Variants in MEGF10 observed in about 807,000 individuals in gnomAD.
MEGF10 encodes multiple epidermal growth factor-like domains protein 10.
In MEGF10, 86 loss-of-function variants were observed where a neutral mutation model predicts 147.5. The observed-to-expected ratio is 0.58, with a 90% CI of 0.49 to 0.70. The LOEUF (loss-of-function observed/expected upper bound fraction) is 0.70. MEGF10 is among the 30% of genes least tolerant of loss of function. MEGF10 has a pLI of 0.00. For synonymous variants in MEGF10, 478 were observed against 525.5 expected (o/e 0.91, Z 1.24); for missense variants, 1,329 against 1,487.3 (o/e 0.89, Z 1.75).
intron 1 of MEGF10, among the ~76,000 whole-genome samples, chr5:127,296,072 A>G (rs1287578177): frequency 6.6e-6 from 1 of 152,174 alleles, no homozygotes; most frequent in Admixed American, 6.5e-5. Flanking sequence ...ATTATTGTTC[A>G]CCATGATCAT....
the MEGF10 span, among the ~76,000 whole-genome samples, chr5:127,254,424 G>C: frequency 6.6e-6 from 1 of 152,024 alleles, no homozygotes; most frequent in Non-Finnish European, 1.5e-5. Flanking sequence ...TCTAAAAAAT[G>C]CAAAAGCTTT....
At chr5:127,445,235 G>A in intron 19 of MEGF10, 1 of 551,418 alleles carries the variant, frequency 1.8e-6, no homozygotes, top group Non-Finnish European at 3.2e-6. Context: ...CCCAGCTTCT[G>A]TCTCTTTTTG....
At chr5:127,448,790 CTT>C (rs199921206) in intron 21 of MEGF10, among the ~76,000 whole-genome samples, 70 of 131,184 alleles carry the variant, frequency 5.3e-4, no homozygotes, top group African/African-American at 1.6e-3. Context: ...ACCAAGAGTT[CTT>C]TTTTTTTTTT....
chr5:127,359,060 T>G (rs1308549463), intron 4 of MEGF10, among the ~76,000 whole-genome samples: 1 of 150,480 alleles, frequency 6.6e-6, no homozygotes, highest in Non-Finnish European at 1.5e-5. Flanking sequence ...GCTGTTTTGT[T>G]TTTTTTTTTT....
At chr5:127,244,195 C>CAA in the MEGF10 span, among the ~76,000 whole-genome samples, 24,244 of 69,606 alleles carry the variant, frequency 0.35, 2,614 homozygotes, top group Admixed American at 0.43. Flanking sequence ...AAACTCTGTC[C>CAA]AAAAAAAAAA....
intron 5 of MEGF10, among the ~76,000 whole-genome samples, chr5:127,380,902 G>A (rs915119876): frequency 3.9e-5 from 6 of 152,178 alleles, no homozygotes; most frequent in African/African-American, 1.4e-4. Context: ...CAGGCAAGAT[G>A]TACTGGGTGT....
chr5:127,230,946 C>T, the MEGF10 span, among the ~76,000 whole-genome samples: 1 of 152,156 alleles, frequency 6.6e-6, no homozygotes, highest in South Asian at 2.1e-4. Context: ...CAGAGTTGGG[C>T]AAGGCAGGCT....
At chr5:127,351,387 A>G (rs1209649112) in intron 4 of MEGF10, among the ~76,000 whole-genome samples, 2 of 152,136 alleles carry the variant, frequency 1.3e-5, no homozygotes, top group African/African-American at 4.8e-5. Flanking sequence ...TTTGTATTAT[A>G]TTGTAGACAT....
At chr5:127,375,046 A>T (rs1330937345) in intron 5 of MEGF10, among the ~76,000 whole-genome samples, 1 of 152,196 alleles carries the variant, frequency 6.6e-6, no homozygotes, top group African/African-American at 2.4e-5. Flanking sequence ...ATTAAGAGGT[A>T]TTCCACAGAA....
intron 5 of MEGF10, among the ~76,000 whole-genome samples, chr5:127,384,528 A>G (rs1763363787): frequency 6.6e-6 from 1 of 152,240 alleles, no homozygotes; most frequent in African/African-American, 2.4e-5. Context: ...AGACACATCA[A>G]CATTTGCACT....
chr5:127,238,907 C>T, the MEGF10 span, among the ~76,000 whole-genome samples: 3 of 151,130 alleles, frequency 2.0e-5, no homozygotes, highest in African/African-American at 7.4e-5. Flanking sequence ...AGGATATGAA[C>T]TCAATAGGTT....
the MEGF10 span, among the ~76,000 whole-genome samples, chr5:127,245,533 A>G: frequency 6.6e-6 from 1 of 152,226 alleles, no homozygotes; most frequent in Non-Finnish European, 1.5e-5. Context: ...AATACCATTC[A>G]GGACATAGGC....
intron 4 of MEGF10, among the ~76,000 whole-genome samples, chr5:127,353,887 G>C (rs1015569293): frequency 3.9e-5 from 6 of 152,216 alleles, no homozygotes; most frequent in African/African-American, 1.4e-4. Context: ...TGCCTGGCAG[G>C]CCAGCTCTGA....
At chr5:127,285,395 T>C in the MEGF10 span, among the ~76,000 whole-genome samples, 75,485 of 151,914 alleles carry the variant, frequency 0.5, 18,931 homozygotes, top group Middle Eastern at 0.63. Flanking sequence ...TATTTTAAGA[T>C]GTCAAGATTA....
At chr5:127,229,830 C>G in the MEGF10 span, 1 of 152,216 alleles carries the variant, frequency 6.6e-6, no homozygotes, top group Non-Finnish European at 1.5e-5. Context: ...GCACCCCCCT[C>G]TGGGGGCCGA....
At chr5:127,352,600 G>T (rs1762122245) in intron 4 of MEGF10, among the ~76,000 whole-genome samples, 1 of 152,164 alleles carries the variant, frequency 6.6e-6, no homozygotes, top group African/African-American at 2.4e-5. Flanking sequence ...GGTGGAGGTT[G>T]CAGTGAGCCG....
intron 1 of MEGF10, among the ~76,000 whole-genome samples, chr5:127,291,831 C>A: frequency 6.6e-6 from 1 of 152,138 alleles, no homozygotes; most frequent in Admixed American, 6.5e-5. Context: ...TGAATGATGG[C>A]AATATCTTTG....
chr5:127,350,683 C>T (rs879848564), intron 4 of MEGF10, among the ~76,000 whole-genome samples: 2 of 152,028 alleles, frequency 1.3e-5, no homozygotes, highest in Non-Finnish European at 2.9e-5. Flanking sequence ...TGGGCCCTTC[C>T]CTTCTCAACT....
intron 5 of MEGF10, among the ~76,000 whole-genome samples, chr5:127,370,957 T>G (rs59903147): frequency 0.035 from 5,347 of 152,286 alleles, 308 homozygotes; most frequent in African/African-American, 0.12. Flanking sequence ...ACCAAGTAAT[T>G]TTTTGAAATT....
Sources: gnomAD v4.1 joint callset for allele counts (sites outside exome capture counted in the v4.1 genomes callset) on GRCh38, gnomAD v4.1.1 for gene constraint, MANE v1.5 for transcripts, NCBI Gene and HGNC (gene_info 2026-07-23, HGNC 2026-07-21) for gene names.